Variants in DNAH9 observed in about 807,000 individuals in gnomAD.
The protein encoded by DNAH9 is dynein axonemal heavy chain 9.
In DNAH9, 345 loss-of-function variants were observed where a neutral mutation model predicts 471.6. The ratio of observed to expected loss-of-function variants is 0.73; its 90% CI spans 0.67 to 0.80. DNAH9 has a LOEUF of 0.80. DNAH9 is among the 30% of genes least tolerant of loss of function. The pLI is 0.00. For synonymous variants in DNAH9, 2,093 were observed against 2,123.6 expected (o/e 0.99, Z 0.40); for missense variants, 5,407 against 5,609.2 (o/e 0.96, Z 1.15).
At chr17:11,826,493 C>T (rs561545553) in intron 48 of DNAH9, among the ~76,000 whole-genome samples, 29 of 112,578 alleles carry the variant, frequency 2.6e-4, no homozygotes, top group African/African-American at 9.5e-4. Flanking sequence ...CGGAGTCTTG[C>T]TCTGTCGCAC....
chr17:11,790,776 T>C (rs866249647), intron 41 of DNAH9, among the ~76,000 whole-genome samples: 18 of 152,240 alleles, frequency 1.2e-4, no homozygotes, highest in African/African-American at 3.8e-4. Flanking sequence ...CGTATGTTTT[T>C]ATAATTGTTC....
intron 48 of DNAH9, among the ~76,000 whole-genome samples, chr17:11,829,148 A>G (rs545401586): frequency 9.8e-5 from 15 of 152,314 alleles, no homozygotes; most frequent in East Asian, 3.9e-4. Context: ...AATGGTATCT[A>G]TGGTTCCTAA....
At chr17:11,812,582 T>G (rs1037452221) in intron 45 of DNAH9, among the ~76,000 whole-genome samples, 17 of 152,146 alleles carry the variant, frequency 1.1e-4, no homozygotes, top group African/African-American at 4.1e-4. Flanking sequence ...GAGCATGTAC[T>G]AGCAGGCATT....
At position 11,619,743 on chromosome 17, in the gene DNAH9, C is replaced by G; in HGVS notation, c.1312C>G (p.Arg438Gly). The G allele has an allele frequency of 6.2e-7, 1 of 1,613,640 alleles. No individual in the cohort carries two copies. Among genetic ancestry groups the G allele is most frequent in the Non-Finnish European group, 8.5e-7 (1 of 1,179,582 alleles). Residue 438 changes from arginine to glycine, a missense_variant, in exon 6 of 69, where the codon CGA becomes GGA. This residue lies in a region of DNAH9 where 767 missense variants were observed against 692.5 expected (regional missense o/e 1.11). Transcript: ENST00000262442. ...WDFQSSLVFV[R>G]LDGFLGQLHV... is the part of the protein sequence containing the mutation. ...TTTCCAGTCTTCTTTGGTCTTTGTG[C>G]GATTGGATGGCTTCCTGGGACAACT...
At chr17:11,727,071 A>C (rs1410453514) in intron 27 of DNAH9, among the ~76,000 whole-genome samples, 1 of 150,402 alleles carries the variant, frequency 6.6e-6, no homozygotes, top group Non-Finnish European at 1.5e-5. Context: ...AAAAAAAAAA[A>C]AAAAAACCCG....
chr17:11,838,390 G>T (rs1380558174), intron 49 of DNAH9, among the ~76,000 whole-genome samples: 1 of 152,108 alleles, frequency 6.6e-6, no homozygotes, highest in African/African-American at 2.4e-5. Context: ...TACATTAGCA[G>T]AAATAAAAAT....
At chr17:11,802,165 T>C (rs954692797) in intron 43 of DNAH9, among the ~76,000 whole-genome samples, 1 of 152,210 alleles carries the variant, frequency 6.6e-6, no homozygotes, top group Non-Finnish European at 1.5e-5. Flanking sequence ...GGACCTCTCG[T>C]TGCTGCCTCT....
intron 43 of DNAH9, among the ~76,000 whole-genome samples, chr17:11,805,947 G>C (rs565038796): frequency 6.6e-6 from 1 of 151,912 alleles, no homozygotes; most frequent in Non-Finnish European, 1.5e-5. Context: ...TCCCAGGCTC[G>C]TCTCAAACTC....
chr17:11,699,633 C>A, intron 22 of DNAH9, 98 bp from the exon 23 acceptor site: 1 of 1,096,518 alleles, frequency 9.1e-7, no homozygotes, highest in African/African-American at 1.5e-5. Context: ...ACCACTCTGT[C>A]TTTCACAATG....
intron 43 of DNAH9, among the ~76,000 whole-genome samples, chr17:11,801,791 C>T (rs188490058): frequency 1.4e-3 from 220 of 152,154 alleles, no homozygotes; most frequent in Middle Eastern, 3.4e-3. Flanking sequence ...GGAATTGAGG[C>T]AAGTCTTTGT....
chr17:11,709,061 TC>T (rs1271477555), intron 26 of DNAH9, among the ~76,000 whole-genome samples: 2 of 152,222 alleles, frequency 1.3e-5, no homozygotes, highest in Non-Finnish European at 2.9e-5. Context: ...ATTTGTCTTT[TC>T]CCTGGGCCTT....
At chr17:11,926,064 C>CAAAAAAAAAAAAAAAA (rs1974313284) in intron 62 of DNAH9, among the ~76,000 whole-genome samples, 3 of 74,938 alleles carry the variant, frequency 4.0e-5, no homozygotes, top group Admixed American at 1.8e-4. Flanking sequence ...AAAAAAAAAG[C>CAAAAAAAAAAAAAAAA]TGGGGGGGGA....
chr17:11,614,965 T>G (rs918959085), intron 4 of DNAH9, among the ~76,000 whole-genome samples: 3 of 152,058 alleles, frequency 2.0e-5, no homozygotes, highest in Non-Finnish European at 2.9e-5. Context: ...ATTAAGGATG[T>G]GTGTAGGTAG....
chr17:11,865,781 C>T (rs890021155), intron 50 of DNAH9, among the ~76,000 whole-genome samples: 11 of 152,268 alleles, frequency 7.2e-5, no homozygotes, highest in Non-Finnish European at 1.0e-4. Flanking sequence ...CATCTTCCAT[C>T]ACTGATACCC....
At chr17:11,646,073 G>T (rs1480295876) in intron 11 of DNAH9, among the ~76,000 whole-genome samples, 1 of 151,800 alleles carries the variant, frequency 6.6e-6, no homozygotes, top group Non-Finnish European at 1.5e-5. Flanking sequence ...TAGAGACAGG[G>T]TTTTACCGTG....
At position 11,882,848 on chromosome 17, in the gene DNAH9, C is replaced by T. The variant is rs959378073; in HGVS notation, c.10807-738C>T. 6 of 773,874 alleles carry T rather than the reference C, an allele frequency of 7.8e-6. No individual in the cohort carries two copies. The African/African-American group carries it at 9.4e-5, about 12-fold the overall frequency. The allele number at this position is 773,874 out of a possible 1,614,324, so 47.9% of individuals were successfully genotyped here. ...AATTGTAAAGCCTCTGGGCATAGAG[C>T]ATTCCCAGCACAGAGAACAGCAAAT... On this transcript the variant is annotated intron_variant, in intron 55 of 68. Transcript: ENST00000262442.
At chr17:11,713,305 A>G (rs1256024549) in intron 26 of DNAH9, among the ~76,000 whole-genome samples, 1 of 151,980 alleles carries the variant, frequency 6.6e-6, no homozygotes, top group Admixed American at 6.6e-5. Context: ...ATCTGTCATT[A>G]ATGGACATTT....
In DNAH9 at chr17:11,932,210, A is replaced by G; in HGVS notation, c.12297+5A>G. On this transcript the variant is annotated splice_donor_5th_base_variant and intron_variant, in intron 64 of 68. Coordinates refer to ENST00000262442, the MANE Select transcript of DNAH9 (RefSeq NM_001372.4). This position sits in a 1 kb window ranked among gnomAD's most constrained non-coding sequence, Gnocchi z 4.3. ...TTCCTGGAGGCCAACGCAAAGGTAA[A>G]GGCCATGGACATTCAGGGACCAGCC... 1 of 1,613,270 alleles carries G rather than the reference A, an allele frequency of 6.2e-7. No individual in the cohort carries two copies. The highest frequency in any genetic ancestry group is 8.5e-7 in the Non-Finnish European group (1 of 1,179,464).
rs1158665179 is a variant in DNAH9 at position 11,677,278 on chromosome 17, C to A, written c.3354-2479C>A. On this transcript the variant is annotated intron_variant, in intron 17 of 68. Coordinates refer to ENST00000262442, the MANE Select transcript of DNAH9 (RefSeq NM_001372.4). ...ATTTTTAGTGGTATATTGTCAATTT[C>A]TCCTTGTAATTCTGTAAATTTTTGC... is the stretch of plus-strand genomic sequence containing the variant. Among the ~76,000 whole-genome samples the A allele has an allele frequency of 7.2e-4, 110 of 151,990 alleles. 2 individuals carry two copies. The highest frequency in any genetic ancestry group is 7.1e-3 in the Admixed American group (109 of 15,280).
Sources: gnomAD v4.1 joint callset for allele counts (sites outside exome capture counted in the v4.1 genomes callset) on GRCh38, gnomAD v4.1.1 for gene constraint, gnomAD v4.1.1 regional missense constraint, Gnocchi (gnomAD v3.1) non-coding constraint, MANE v1.5 for transcripts, NCBI Gene and HGNC (gene_info 2026-07-23, HGNC 2026-07-21) for gene names.